SRGAP2: variants seen among roughly 807,000 people sequenced by gnomAD.
The protein encoded by SRGAP2 is SLIT-ROBO Rho GTPase-activating protein 2.
Under a neutral mutation model 57.2 loss-of-function variants are expected in SRGAP2, and 15 were observed. The observed-to-expected ratio is 0.26, with a 90% CI of 0.18 to 0.40. The LOEUF (loss-of-function observed/expected upper bound fraction) is 0.40. Among genes scored for constraint, SRGAP2 ranks in the 10% least tolerant of loss-of-function variants. SRGAP2 has a pLI of 1.00. For missense variants in SRGAP2, 520 were observed against 669.6 expected (o/e 0.78, Z 2.47); for synonymous variants, 249 against 248.0 (o/e 1.00, Z -0.04).
At chr1:206,451,706 A>C (rs1663321799) in intron 19 of SRGAP2, among the ~76,000 whole-genome samples, 1 of 152,234 alleles carries the variant, frequency 6.6e-6, no homozygotes, top group African/African-American at 2.4e-5. Flanking sequence ...CCTCGTGGCC[A>C]GCTCTGCTAG....
At chr1:206,248,181 T>A (rs1326202494) in intron 2 of SRGAP2, among the ~76,000 whole-genome samples, 2 of 151,690 alleles carry the variant, frequency 1.3e-5, no homozygotes, top group African/African-American at 4.8e-5. Context: ...ATTCCTTGCT[T>A]ATTATAATAT....
chr1:206,395,928 G>A (rs1393272848), intron 7 of SRGAP2, among the ~76,000 whole-genome samples: 1 of 149,704 alleles, frequency 6.7e-6, no homozygotes, highest in Non-Finnish European at 1.5e-5. Flanking sequence ...GCAGGGTGTG[G>A]GTCTAGATCA....
At chr1:206,347,891 G>A (rs1349714558) in intron 4 of SRGAP2, among the ~76,000 whole-genome samples, 12 of 151,448 alleles carry the variant, frequency 7.9e-5, no homozygotes, top group African/African-American at 2.9e-4. Flanking sequence ...AATGAAATAG[G>A]GCAGCATGTT....
At chr1:206,304,099 A>G (rs1467522409) in intron 3 of SRGAP2, among the ~76,000 whole-genome samples, 19 of 152,172 alleles carry the variant, frequency 1.2e-4, no homozygotes, top group Middle Eastern at 3.4e-3. Context: ...TTTCTTCTAC[A>G]TTTAGTTTAT....
chr1:206,210,448 G>A (rs1666248626), intron 2 of SRGAP2, among the ~76,000 whole-genome samples: 1 of 111,688 alleles, frequency 9.0e-6, no homozygotes, highest in East Asian at 2.6e-4. Context: ...TAGGAGAACA[G>A]TGTGTGTGCA....
chr1:206,230,128 C>T (rs191203041), intron 2 of SRGAP2, among the ~76,000 whole-genome samples: 10 of 152,226 alleles, frequency 6.6e-5, no homozygotes, highest in African/African-American at 2.2e-4. Flanking sequence ...GATCAATTGC[C>T]GTGCAGATTG....
intron 4 of SRGAP2, 81 bp from the exon 5 acceptor site, chr1:206,383,933 G>A: frequency 9.2e-7 from 1 of 1,088,408 alleles, no homozygotes; most frequent in Non-Finnish European, 1.4e-6. Flanking sequence ...GTTATTTGTA[G>A]AGCCAGTGTG....
At chr1:206,423,910 G>T (rs953630679) in intron 13 of SRGAP2, among the ~76,000 whole-genome samples, 3 of 150,748 alleles carry the variant, frequency 2.0e-5, no homozygotes, top group African/African-American at 7.3e-5. Flanking sequence ...GAGTAGCTGG[G>T]ACTACAGGTG....
intron 2 of SRGAP2, among the ~76,000 whole-genome samples, chr1:206,234,948 A>G (rs1194226310): frequency 6.6e-6 from 1 of 151,830 alleles, no homozygotes; most frequent in Non-Finnish European, 1.5e-5. Context: ...GAAAGTGGCA[A>G]GGAACAAAAA....
At chr1:206,394,057 T>TG (rs1657314512) in intron 7 of SRGAP2, among the ~76,000 whole-genome samples, 1 of 104,730 alleles carries the variant, frequency 9.5e-6, no homozygotes, top group African/African-American at 4.0e-5. Flanking sequence ...TTTTTTTTTT[T>TG]TTTTTTTGAG....
chr1:206,423,763 T>C (rs1284686920), intron 13 of SRGAP2, among the ~76,000 whole-genome samples: 1 of 149,612 alleles, frequency 6.7e-6, no homozygotes, highest in African/African-American at 2.5e-5. Flanking sequence ...ACAGATTTTC[T>C]GGCCACCTTT....
At chr1:206,220,392 G>A (rs1553304372) in intron 2 of SRGAP2, among the ~76,000 whole-genome samples, 1 of 152,152 alleles carries the variant, frequency 6.6e-6, no homozygotes, top group Non-Finnish European at 1.5e-5. Flanking sequence ...GGAGTGAGGA[G>A]CTAGCATTGT....
At chr1:206,443,677 C>T (rs984891574) in intron 17 of SRGAP2, among the ~76,000 whole-genome samples, 7 of 152,252 alleles carry the variant, frequency 4.6e-5, no homozygotes, top group Admixed American at 2.6e-4. Flanking sequence ...AATTACACCG[C>T]GCCTGGCCTA....
Position 206,454,257 on chromosome 1 carries a change from G to A in SRGAP2, c.2361-621G>A, listed in dbSNP as rs1267266895. The A allele has an allele frequency of 2.9e-6, 2 of 693,630 alleles. No homozygotes were observed. The highest frequency in any genetic ancestry group is 5.3e-6 in the Non-Finnish European group (2 of 380,364). The allele number at this position is 693,630 out of a possible 1,614,324, so 43.0% of individuals were successfully genotyped here. A position where few individuals can be genotyped will look rare whatever the true frequency, so the allele number is the denominator to read the frequency against. Reference sequence around the variant, plus strand: ...CCTGGTGGCAATCTGTGCGTGGACAGGACCCTCCCAAATTTAGCATTATGA... The same window carrying A: ...CCTGGTGGCAATCTGTGCGTGGACAAGACCCTCCCAAATTTAGCATTATGA... On this transcript the variant is annotated intron_variant, in intron 20 of 22. Transcript: ENST00000573034. The surrounding 1 kb of genome is among the most constrained non-coding windows in gnomAD (Gnocchi z 4.3).
intron 3 of SRGAP2, chr1:206,333,255 C>T (rs1674512791): frequency 2.8e-6 from 3 of 1,073,550 alleles, no homozygotes; most frequent in Non-Finnish European, 4.3e-6. Context: ...CTGCGTCGCT[C>T]ACGCTGGGAG....
intron 2 of SRGAP2, among the ~76,000 whole-genome samples, chr1:206,208,964 A>G (rs1443139101): frequency 1.3e-5 from 2 of 150,558 alleles, no homozygotes; most frequent in Admixed American, 1.3e-4. Flanking sequence ...AATAAAATAC[A>G]TTTCCTAAGA....
chr1:206,338,814 A>T (rs1258204557), intron 3 of SRGAP2, among the ~76,000 whole-genome samples: 1 of 118,572 alleles, frequency 8.4e-6, no homozygotes. Context: ...CTCCTTTTTT[A>T]AAATAAAAAT....
chr1:206,451,177 G>A (rs992520789), intron 19 of SRGAP2, among the ~76,000 whole-genome samples: 17 of 150,824 alleles, frequency 1.1e-4, no homozygotes, highest in East Asian at 7.8e-4. Context: ...CTGGTTGCCC[G>A]GAACCCAATA....
At chr1:206,240,676 C>A (rs1438817278) in intron 2 of SRGAP2, among the ~76,000 whole-genome samples, 1 of 152,024 alleles carries the variant, frequency 6.6e-6, no homozygotes, top group Non-Finnish European at 1.5e-5. Context: ...TCCCATACCA[C>A]CTTAGTGAGG....
Sources: gnomAD v4.1 joint callset for allele counts (sites outside exome capture counted in the v4.1 genomes callset) on GRCh38, gnomAD v4.1.1 for gene constraint, Gnocchi (gnomAD v3.1) non-coding constraint, MANE v1.5 for transcripts, NCBI Gene and HGNC (gene_info 2026-07-23, HGNC 2026-07-21) for gene names.